The following GLMN variants were observed in gnomAD, a reference collection of about 807,000 sequenced individuals.
The protein encoded by GLMN is glomulin, FKBP associated protein, also known as glomulin.
GLMN carries 75 observed loss-of-function variants against 87.8 expected under a neutral mutation model. The ratio of observed to expected loss-of-function variants is 0.85; its 90% confidence interval spans 0.71 to 1.04. The LOEUF is 1.04. Among genes scored for constraint, GLMN ranks in the 50% least tolerant of loss-of-function variants. The pLI is 0.00. For missense variants in GLMN, 588 were observed against 658.8 expected (o/e 0.89, Z 1.18); for synonymous variants, 206 against 221.6 (o/e 0.93, Z 0.63).
the GLMN span, chr1:92,320,654 A>G: frequency 3.2e-6 from 5 of 1,579,462 alleles, no homozygotes; most frequent in East Asian, 6.7e-5. Context: ...AATCAGTATC[A>G]TTTACCATTT....
chr1:92,365,811 C>T, the GLMN span, among the ~76,000 whole-genome samples: 1 of 152,150 alleles, frequency 6.6e-6, no homozygotes, highest in Non-Finnish European at 1.5e-5. Context: ...TAAAATGAAT[C>T]AGACATGTGA....
Position 92,281,634 on chromosome 1 carries a change from G to A in GLMN, c.735+4856C>T, listed in dbSNP as rs767266268. On this transcript the variant is annotated intron_variant, in intron 7 of 18. Coordinates refer to ENST00000370360, the MANE Select transcript of GLMN (RefSeq NM_053274.3). ...AAACATAACAATATTAACTTTAAAT[G>A]TAAATGGGCTAAATGCTCCAATTAA... Among the ~76,000 whole-genome samples, 3 of 152,100 alleles carry A rather than the reference G, an allele frequency of 2.0e-5. No homozygotes were observed. In the South Asian group the frequency reaches 6.2e-4, roughly 32 times the overall value.
chr1:92,334,973 G>A, the GLMN span, among the ~76,000 whole-genome samples: 1 of 152,206 alleles, frequency 6.6e-6, no homozygotes, highest in South Asian at 2.1e-4. Context: ...GAGCAACAGA[G>A]TGAGACTCCA....
chr1:92,303,154 T>A (rs1650980906), upstream of GLMN, among the ~76,000 whole-genome samples: 1 of 152,182 alleles, frequency 6.6e-6, no homozygotes, highest in African/African-American at 2.4e-5. Context: ...AAGCTTCTAT[T>A]ACAAAAACAC....
the GLMN span, among the ~76,000 whole-genome samples, chr1:92,349,775 A>G: frequency 6.6e-6 from 1 of 152,124 alleles, no homozygotes. Context: ...AAAAAATAAA[A>G]ACATTAGCCA....
chr1:92,345,357 A>G, the GLMN span, among the ~76,000 whole-genome samples: 1 of 147,110 alleles, frequency 6.8e-6, no homozygotes, highest in Non-Finnish European at 1.5e-5. Flanking sequence ...AGCCCAGGCA[A>G]CATAGCAAGA....
the GLMN span, among the ~76,000 whole-genome samples, chr1:92,367,597 A>G: frequency 2.0e-5 from 3 of 152,120 alleles, no homozygotes; most frequent in Admixed American, 2.0e-4. Flanking sequence ...CATCACCTTT[A>G]TGCATGGTAA....
the GLMN span, chr1:92,323,760 T>C: frequency 2.5e-6 from 4 of 1,614,068 alleles, no homozygotes; most frequent in East Asian, 4.5e-5. Context: ...GCAAATTAGA[T>C]AGTCAGGAGA....
chr1:92,289,126 T>C lies in GLMN; in HGVS notation c.420A>G (p.Ala140=). 3 of 1,601,248 alleles carry C rather than the reference T, an allele frequency of 1.9e-6. No homozygotes were observed. Among genetic ancestry groups the C allele is most frequent in the African/African-American group, 2.7e-5 (2 of 74,812 alleles). Residue 140 remains alanine, a synonymous_variant, in exon 6 of 19, where the codon GCA becomes GCG. Transcript: ENST00000370360. ...TAGACAATGCTAATCCAATTGAATA[T>C]GCCTTGTTATGAAGTTTCTGAATCA... is the stretch of plus-strand genomic sequence containing the variant. ...QTVIQKLHNK[A]YSIGLALSTL...
intron 16 of GLMN, among the ~76,000 whole-genome samples, chr1:92,261,485 A>C (rs1309264922): frequency 6.6e-6 from 1 of 151,956 alleles, no homozygotes; most frequent in East Asian, 1.9e-4. Context: ...TCTCTGAAGA[A>C]TGAATGATAT....
chr1:92,270,267 T>C (rs1656104304), intron 8 of GLMN, among the ~76,000 whole-genome samples: 1 of 152,262 alleles, frequency 6.6e-6, no homozygotes, highest in African/African-American at 2.4e-5. Context: ...CAAGTTAATA[T>C]ACATATGCTG....
intron 16 of GLMN, among the ~76,000 whole-genome samples, chr1:92,260,578 G>A (rs1654899137): frequency 6.6e-6 from 1 of 151,480 alleles, no homozygotes; most frequent in Non-Finnish European, 1.5e-5. Flanking sequence ...TCGTGCCACT[G>A]CACTCCAGCC....
the GLMN span, among the ~76,000 whole-genome samples, chr1:92,305,245 A>G: frequency 3.9e-5 from 6 of 151,934 alleles, no homozygotes; most frequent in African/African-American, 1.5e-4. Context: ...ATCCTGGCTA[A>G]CACAGTGAAA....
chr1:92,261,187 A>C (rs1655003881), intron 16 of GLMN, among the ~76,000 whole-genome samples: 1 of 152,232 alleles, frequency 6.6e-6, no homozygotes, highest in Admixed American at 6.5e-5. Flanking sequence ...ATCAGGATTT[A>C]GTTTGTGATT....
the GLMN span, among the ~76,000 whole-genome samples, chr1:92,367,268 A>G: frequency 6.6e-6 from 1 of 152,228 alleles, no homozygotes; most frequent in Non-Finnish European, 1.5e-5. Flanking sequence ...AAATAAGACT[A>G]TGCTGTTAAA....
upstream of GLMN, among the ~76,000 whole-genome samples, chr1:92,300,807 A>G (rs1479723908): frequency 2.0e-5 from 3 of 152,270 alleles, no homozygotes; most frequent in East Asian, 5.8e-4. Context: ...TTATTTATTG[A>G]GTATAAGATA....
At chr1:92,358,821 T>C in the GLMN span, among the ~76,000 whole-genome samples, 4 of 152,182 alleles carry the variant, frequency 2.6e-5, no homozygotes, top group African/African-American at 9.6e-5. Flanking sequence ...CTCCTAAACT[T>C]AAGTGATCCC....
At chr1:92,315,539 C>T in the GLMN span, among the ~76,000 whole-genome samples, 2 of 152,134 alleles carry the variant, frequency 1.3e-5, no homozygotes, top group Non-Finnish European at 2.9e-5. Flanking sequence ...AAGGAAAGCA[C>T]AGTTAAACAA....
chr1:92,284,201 A>C (rs1037007343), intron 7 of GLMN, among the ~76,000 whole-genome samples: 4 of 152,078 alleles, frequency 2.6e-5, no homozygotes, highest in African/African-American at 9.7e-5. Context: ...GGAGGCATCA[A>C]GCTACCTGAC....
Sources: allele counts gnomAD v4.1 joint callset (sites outside exome capture counted in the v4.1 genomes callset), GRCh38; gene constraint gnomAD v4.1.1; transcripts MANE v1.5; gene names NCBI Gene and HGNC (gene_info 2026-07-23, HGNC 2026-07-21).